The following DGKD variants were observed in gnomAD, a reference collection of about 807,000 sequenced individuals.
DGKD encodes the protein diacylglycerol kinase delta.
DGKD carries 68 observed loss-of-function variants against 154.4 expected under a neutral mutation model. The ratio of observed to expected loss-of-function variants is 0.44; its 90% CI spans 0.36 to 0.54. The LOEUF (loss-of-function observed/expected upper bound fraction) is 0.54. Among genes scored for constraint, DGKD ranks in the 20% least tolerant of loss-of-function variants. The probability of loss-of-function intolerance (pLI) is 0.00; values close to 1 mark genes in which losing one functional copy is unlikely to be tolerated. For synonymous variants in DGKD, 693 were observed against 638.0 expected, an observed-to-expected ratio of 1.09 and a Z score of -1.30; for missense variants, 1,343 against 1,593.6, an observed-to-expected ratio of 0.84 and a Z score of 2.68.
chr2:233,391,529 C>T lies in DGKD; in HGVS notation c.348+1046C>T, dbSNP rs555242710. Among the ~76,000 whole-genome samples, 30 of 152,208 alleles carry T rather than the reference C, an allele frequency of 2.0e-4. No individual in the cohort carries two copies. The South Asian group carries it at 5.2e-3, about 26-fold the overall frequency. The stretch of plus-strand genomic sequence containing the variant: ...GTAGGATTTTATAATTTAGGCTTTA[C>T]GGGCTGACTTTAGCGCCTGCCTGTG... On this transcript the variant is annotated intron_variant, in intron 3 of 29. Transcript: ENST00000264057.
intron 1 of DGKD, among the ~76,000 whole-genome samples, chr2:233,384,730 G>C (rs1194269555): frequency 6.6e-6 from 1 of 152,028 alleles, no homozygotes; most frequent in Non-Finnish European, 1.5e-5. Flanking sequence ...CGAGTTTCTG[G>C]AGTGTTCTGC....
intron 3 of DGKD, among the ~76,000 whole-genome samples, chr2:233,420,875 C>G (rs954515222): frequency 1.3e-5 from 2 of 152,120 alleles, no homozygotes; most frequent in Non-Finnish European, 2.9e-5. Flanking sequence ...TCCCTGTGAT[C>G]AGTAGTGCTG....
chr2:233,434,665 C>G, intron 4 of DGKD, 104 bp from the exon 5 acceptor site: 1 of 1,535,616 alleles, frequency 6.5e-7, no homozygotes. Flanking sequence ...ATAAACCTTC[C>G]TCCTCTCCTC....
chr2:233,378,390 C>T (rs903919689), intron 1 of DGKD, among the ~76,000 whole-genome samples: 49 of 144,876 alleles, frequency 3.4e-4, no homozygotes, highest in East Asian at 1.4e-3. Context: ...CCAGCCTGGG[C>T]GATAGAGTGA....
intron 3 of DGKD, among the ~76,000 whole-genome samples, chr2:233,422,121 G>C (rs2062138180): frequency 6.6e-6 from 1 of 152,202 alleles, no homozygotes; most frequent in African/African-American, 2.4e-5. Context: ...TTGGGGCCTT[G>C]TCTTGGCACC....
At chr2:233,410,762 A>G (rs767784754) in intron 3 of DGKD, among the ~76,000 whole-genome samples, 1 of 152,178 alleles carries the variant, frequency 6.6e-6, no homozygotes, top group South Asian at 2.1e-4. Context: ...GTACAGTTTG[A>G]TAGTTTTTAT....
intron 1 of DGKD, among the ~76,000 whole-genome samples, chr2:233,366,200 A>G (rs1461736298): frequency 6.6e-6 from 1 of 152,154 alleles, no homozygotes; most frequent in Non-Finnish European, 1.5e-5. Flanking sequence ...CCCCCAGATT[A>G]GTGGGATACT....
intron 1 of DGKD, among the ~76,000 whole-genome samples, chr2:233,355,076 A>G (rs1701478621): frequency 6.6e-6 from 1 of 151,928 alleles, no homozygotes; most frequent in African/African-American, 2.4e-5. Context: ...GCGGTCCCCA[A>G]ACCCCGGTTC....
At chr2:233,416,016 C>T (rs768350637) in intron 3 of DGKD, among the ~76,000 whole-genome samples, 17 of 152,204 alleles carry the variant, frequency 1.1e-4, no homozygotes, top group Non-Finnish European at 2.4e-4. Context: ...ATCTCTCAGT[C>T]CTACCACTTG....
intron 18 of DGKD, 86 bp from the exon 19 acceptor site, chr2:233,454,677 A>C (rs2063398919): frequency 1.3e-6 from 1 of 777,122 alleles, no homozygotes; most frequent in African/African-American, 1.7e-5. Flanking sequence ...GTTTTCCCCA[A>C]GGAAGAGAAA....
intron 1 of DGKD, among the ~76,000 whole-genome samples, chr2:233,355,272 C>A (rs1204715551): frequency 6.6e-6 from 1 of 152,206 alleles, no homozygotes; most frequent in African/African-American, 2.4e-5. Context: ...ACCGCGCACC[C>A]GCTTGGCACC....
Position 233,371,330 on chromosome 2 carries a change from A to G in DGKD, c.156+16656A>G, listed in dbSNP as rs557842770. ...GCATCATTTCATATGTTTATTGACC[A>G]TTTGTATATATTTTTTGAAGAAATA... On this transcript the variant is annotated intron_variant, in intron 1 of 29. Coordinates refer to ENST00000264057, the MANE Select transcript of DGKD (RefSeq NM_152879.3). Among the ~76,000 whole-genome samples, 89 of 152,226 alleles carry G rather than the reference A, an allele frequency of 5.8e-4. 2 individuals carry two copies. In the South Asian group the frequency reaches 0.018, roughly 30 times the overall value.
chr2:233,437,990 G>A (rs2062754363), intron 8 of DGKD, among the ~76,000 whole-genome samples: 1 of 152,210 alleles, frequency 6.6e-6, no homozygotes, highest in African/African-American at 2.4e-5. Context: ...CAGCAGAAAG[G>A]TGGCATTTGG....
intron 24 of DGKD, among the ~76,000 whole-genome samples, chr2:233,461,199 C>T (rs1216759495): frequency 2.6e-5 from 4 of 152,238 alleles, no homozygotes; most frequent in Admixed American, 6.5e-5. Context: ...TGTGCTGCTC[C>T]GCCGGTGCGG....
intron 3 of DGKD, among the ~76,000 whole-genome samples, chr2:233,418,302 A>G (rs1383540898): frequency 6.6e-6 from 1 of 152,212 alleles, no homozygotes; most frequent in Non-Finnish European, 1.5e-5. Context: ...TTGGGGCACC[A>G]GCTCTACATC....
intron 3 of DGKD, among the ~76,000 whole-genome samples, chr2:233,431,824 A>T (rs1414756045): frequency 6.6e-6 from 1 of 152,272 alleles, no homozygotes; most frequent in Non-Finnish European, 1.5e-5. Context: ...ATATCAAATC[A>T]AAATGGATTA....
intron 1 of DGKD, 143 bp from the exon 2 acceptor site, chr2:233,388,114 A>C (rs1179382249): frequency 1.8e-5 from 27 of 1,502,486 alleles, no homozygotes; most frequent in Non-Finnish European, 2.4e-5. Flanking sequence ...GCCTGTGCAT[A>C]GGTCAAGGTC....
Position 233,454,876 on chromosome 2 carries a change from AGGTAAC to A in DGKD, c.2375+4_2375+9del. 1.3e-6 allele frequency: 2 copies of A among 1,593,368 alleles called. No individual in the cohort carries two copies. The highest frequency in any genetic ancestry group is 1.7e-6 in the Non-Finnish European group (2 of 1,161,198). On this transcript the variant is annotated splice_donor_5th_base_variant and intron_variant, in intron 19 of 29. Transcript: ENST00000264057. ...GATGAGCACCCAGAGAAGTGCAGGT[AGGTAAC>A]AGGCTCAGGAGCACGTCTGTCTTTT...
intron 7 of DGKD, 52 bp from the exon 8 acceptor site, chr2:233,437,323 GGT>G: frequency 6.6e-7 from 1 of 1,521,356 alleles, no homozygotes; most frequent in Non-Finnish European, 9.1e-7. Context: ...GAGGATTTCT[GGT>G]GTGTGTGAAG....
Sources: gnomAD v4.1 joint callset for allele counts (sites outside exome capture counted in the v4.1 genomes callset) on GRCh38, gnomAD v4.1.1 for gene constraint, MANE v1.5 for transcripts, NCBI Gene and HGNC (gene_info 2026-07-23, HGNC 2026-07-21) for gene names.